SAMD4B: variants seen among roughly 807,000 people sequenced by gnomAD.
SAMD4B encodes protein Smaug homolog 2.
SAMD4B carries 5 observed loss-of-function variants against 74.5 expected under a neutral mutation model. The observed-to-expected ratio is 0.07, with a 90% confidence interval of 0.04 to 0.14. The LOEUF is 0.14. Ranked by LOEUF, SAMD4B falls within the 10% of genes least tolerant of loss-of-function variation. The pLI, the probability that SAMD4B is intolerant of heterozygous loss-of-function variation, is 1.00. For synonymous variants in SAMD4B, 373 were observed against 374.9 expected, an observed-to-expected ratio of 1.00 and a Z score of 0.06; for missense variants, 608 against 921.8, an observed-to-expected ratio of 0.66 and a Z score of 4.41.
chr19:39,369,893 C>G lies in SAMD4B; in HGVS notation c.435C>G (p.Leu145=). Residue 145 remains leucine, a synonymous_variant, in exon 4 of 14, where the codon CTC becomes CTG. Coordinates refer to ENST00000610417, the MANE Select transcript of SAMD4B (RefSeq NM_001384574.2). ...TGGAGGACCGCAACGCACTGGCCCT[C>G]TGGCTGAGCCACCTGGAAGAGCGGT... The part of the protein sequence containing the change: ...TTLEDRNALA[L]WLSHLEERLA... 1 of 1,614,270 alleles carries G rather than the reference C, an allele frequency of 6.2e-7. No individual in the cohort carries two copies. Among genetic ancestry groups the G allele is most frequent in the Non-Finnish European group, 8.5e-7 (1 of 1,180,052 alleles).
chr19:39,343,356 G>A (rs959900190), intron 1 of SAMD4B, among the ~76,000 whole-genome samples: 7 of 142,908 alleles, frequency 4.9e-5, no homozygotes, highest in Non-Finnish European at 9.0e-5. Context: ...GCCCCCGACG[G>A]ACCGTGATCA....
Position 39,385,651 on chromosome 19 carries a change from A to C in SAMD4B, c.*2124A>C. The C allele has an allele frequency of 1.9e-6, 1 of 519,638 alleles. No individual in the cohort carries two copies. Among genetic ancestry groups the C allele is most frequent in the South Asian group, 3.2e-5 (1 of 31,186 alleles). 32.2% of individuals were successfully genotyped at this position (519,638 alleles called of 1,614,324 possible). ...TTATTTGTTGGAGTTTCACTTGTTT[A>C]ATGGTCTGGGCTTATTTTGGAAAAA... On this transcript the variant is annotated 3_prime_UTR_variant, in exon 14 of 14. Coordinates refer to ENST00000610417, the MANE Select transcript of SAMD4B (RefSeq NM_001384574.2).
At chr19:39,386,126 A>G (rs747740261), downstream of SAMD4B, 170 of 1,613,916 alleles carry the variant, frequency 1.1e-4, no homozygotes, top group Non-Finnish European at 1.3e-4. The surrounding 1 kb of genome is among the most constrained non-coding windows in gnomAD (Gnocchi z 6.1). Context: ...GGCCACCCCC[A>G]TTGCTGCCGC....
intron 1 of SAMD4B, among the ~76,000 whole-genome samples, chr19:39,353,181 C>T (rs562059343): frequency 6.6e-6 from 1 of 152,292 alleles, no homozygotes; most frequent in South Asian, 2.1e-4. Flanking sequence ...TTTTTAGGCG[C>T]GTGAGCTACC....
chr19:39,389,409 G>A, downstream of SAMD4B: 1 of 1,612,550 alleles, frequency 6.2e-7, no homozygotes, highest in Non-Finnish European at 8.5e-7. The surrounding 1 kb of genome is among the most constrained non-coding windows in gnomAD (Gnocchi z 5.3). Context: ...AGGTATCTCA[G>A]GACCCCACTG....
intron 8 of SAMD4B, 55 bp downstream of exon 8, chr19:39,377,879 C>A: frequency 6.7e-7 from 1 of 1,494,840 alleles, no homozygotes; most frequent in Non-Finnish European, 9.1e-7. Context: ...CAAGTGAACC[C>A]AAGCACCAGG....
rs2075357836 is a variant in SAMD4B at position 39,342,482 on chromosome 19, G to T, written c.-361G>T. Reference sequence around the variant, plus strand: ...GCGGCGGCGGTGGTCGGTGCGGGAGGAGGGAGGGGAGCTTGCGGGCCCGAG... The same window carrying T: ...GCGGCGGCGGTGGTCGGTGCGGGAGTAGGGAGGGGAGCTTGCGGGCCCGAG... On this transcript the variant is annotated 5_prime_UTR_variant, in exon 1 of 14. Transcript: ENST00000610417. 3 of 179,890 alleles carry T rather than the reference G, an allele frequency of 1.7e-5. No individual in the cohort carries two copies. The highest frequency in any genetic ancestry group is 3.3e-4 in the South Asian group (2 of 6,016). 11.1% of individuals were successfully genotyped at this position (179,890 alleles called of 1,614,324 possible).
At chr19:39,355,730 C>A (rs2076308292) in intron 2 of SAMD4B, among the ~76,000 whole-genome samples, 1 of 152,144 alleles carries the variant, frequency 6.6e-6, no homozygotes, top group Non-Finnish European at 1.5e-5. Flanking sequence ...GTTGAAATAA[C>A]TTTTCTTTAG....
At position 39,378,500 on chromosome 19, in the gene SAMD4B, C is replaced by G. The variant is rs190574104; in HGVS notation, c.1445-4C>G. 5 of 1,613,808 alleles carry G rather than the reference C, an allele frequency of 3.1e-6. No individual in the cohort carries two copies. The highest frequency in any genetic ancestry group is 2.2e-5 in the South Asian group (2 of 91,064). On this transcript the variant is annotated splice_region_variant and splice_polypyrimidine_tract_variant and intron_variant, in intron 8 of 13. Transcript: ENST00000610417. This position sits in a 1 kb window ranked among gnomAD's most constrained non-coding sequence, Gnocchi z 4.4. ...ACCTCCTGCCCTTTCTCATGTCCCC[C>G]CAGTGTGCACCCAACTGCTGGTGTC...
chr19:39,389,064 GC>G, downstream of SAMD4B: 1 of 1,611,462 alleles, frequency 6.2e-7, no homozygotes, highest in Non-Finnish European at 8.5e-7. This position sits in a 1 kb window ranked among gnomAD's most constrained non-coding sequence, Gnocchi z 5.3. Flanking sequence ...CCGCACCCTT[GC>G]CTCTCCCCAT....
rs62119702 is a variant in SAMD4B, at chr19:39,375,590, A to T, written c.668-60A>T. 0.017 allele frequency: 27,131 copies of T among 1,562,128 alleles called. 272 individuals carry two copies. Among genetic ancestry groups the T allele is most frequent in the Non-Finnish European group, 0.021 (23,542 of 1,146,364 alleles). ...CCATCCTGGCACTGACGGCAGGGGG[A>T]TGGTCTCCTGTGGTTGGGTCCCCAG... is the stretch of plus-strand genomic sequence containing the variant. On this transcript the variant is annotated intron_variant, in intron 4 of 13. Coordinates refer to ENST00000610417, the MANE Select transcript of SAMD4B (RefSeq NM_001384574.2). The surrounding 1 kb of genome is among the most constrained non-coding windows in gnomAD (Gnocchi z 4.1).
Position 39,377,603 on chromosome 19 carries a change from C to T in SAMD4B, c.1223C>T (p.Pro408Leu). 1.1e-5 allele frequency: 18 copies of T among 1,614,122 alleles called. No individual in the cohort carries two copies. Among genetic ancestry groups the T allele is most frequent in the Non-Finnish European group, 1.5e-5 (18 of 1,179,988 alleles). Reference protein sequence around the residue: ...QATVAAATTTPTAKDGAPGEP... With the variant: ...QATVAAATTTLTAKDGAPGEP... ...ACCGTGGCTGCCGCCACCACCACCC[C>T]TACTGCCAAGGATGGGGCCCCGGGG... is the stretch of plus-strand genomic sequence containing the variant. Residue 408 changes from proline to leucine, a missense_variant, in exon 8 of 14, where the codon CCT (proline) becomes CTT (leucine). By Grantham distance (98) the Pro-to-Leu change is moderately conservative. Coordinates refer to ENST00000610417, the MANE Select transcript of SAMD4B (RefSeq NM_001384574.2).
chr19:39,380,538 A>T, intron 10 of SAMD4B, 49 bp from the exon 11 acceptor site: 1 of 1,594,134 alleles, frequency 6.3e-7, no homozygotes, highest in Non-Finnish European at 8.6e-7. Context: ...GGGTGGACAG[A>T]TAGGCCCCAT....
downstream of SAMD4B, chr19:39,388,506 TATCCCAATCCCCAAAAC>T: frequency 1.9e-6 from 3 of 1,614,106 alleles, no homozygotes; most frequent in Non-Finnish European, 2.5e-6. Context: ...ATTTCTTCCC[TATCCCAATCCCCAAAAC>T]TTCCCAATCC....
In SAMD4B at chr19:39,375,933, C is replaced by T; in HGVS notation, c.907+44C>T. On this transcript the variant is annotated intron_variant, in intron 5 of 13. Coordinates refer to ENST00000610417, the MANE Select transcript of SAMD4B (RefSeq NM_001384574.2). The surrounding 1 kb of genome is among the most constrained non-coding windows in gnomAD (Gnocchi z 4.1). ...CACCAGGACCCTTTTCCAGGGGCTT[C>T]TGCAGAGCTTAGAGGACAGAAAGGA... 6.3e-7 allele frequency: 1 copy of T among 1,587,818 alleles called. No individual in the cohort carries two copies. Among genetic ancestry groups the T allele is most frequent in the South Asian group, 1.1e-5 (1 of 90,206 alleles).
Position 39,383,061 on chromosome 19 carries a change from T to C in SAMD4B, c.1973-147T>C. The C allele has an allele frequency of 1.4e-6, 1 of 704,534 alleles. No homozygotes were observed. 43.6% of individuals were successfully genotyped at this position (704,534 alleles called of 1,614,324 possible). A position where few individuals can be genotyped will look rare whatever the true frequency, so the allele number is the denominator to read the frequency against. ...CTGCCTGTTGTGTGACACGCTCGCCTCTCTCCCTGTCCACCTCCTCCCGTT... is the reference window on the plus strand; with the variant it reads ...CTGCCTGTTGTGTGACACGCTCGCCCCTCTCCCTGTCCACCTCCTCCCGTT... On this transcript the variant is annotated intron_variant, in intron 12 of 13. Transcript: ENST00000610417. The surrounding 1 kb of genome is among the most constrained non-coding windows in gnomAD (Gnocchi z 4.1).
In SAMD4B at chr19:39,381,091, G is replaced by A. The variant is rs367704987; in HGVS notation, c.1950G>A (p.Gln650=). The change falls in exon 12 of 14, where the codon CAG becomes CAA. Residue 650 remains glutamine (Q), a synonymous_variant. Coordinates refer to ENST00000610417, the MANE Select transcript of SAMD4B (RefSeq NM_001384574.2). Reference sequence around the variant, plus strand: ...CGCTCCCGGTCCACTCGTCACCCCAGGCCATTCTCATGTTCCCTCCAGGTG... The same window carrying A: ...CGCTCCCGGTCCACTCGTCACCCCAAGCCATTCTCATGTTCCCTCCAGGTG... ...THSLPVHSSP[Q]AILMFPPDCP... 12 of 1,611,960 alleles carry A rather than the reference G, an allele frequency of 7.4e-6. No homozygotes were observed. The African/African-American group carries it at 1.3e-4, about 18-fold the overall frequency.
At chr19:39,390,237 T>C (rs1309133272), downstream of SAMD4B, 2 of 1,613,734 alleles carry the variant, frequency 1.2e-6, no homozygotes, top group Non-Finnish European at 1.7e-6. Context: ...CCACCGCTCC[T>C]GGGAAAGCAC....
At chr19:39,381,713 G>A (rs1345385895) in intron 12 of SAMD4B, among the ~76,000 whole-genome samples, 1 of 152,172 alleles carries the variant, frequency 6.6e-6, no homozygotes, top group Non-Finnish European at 1.5e-5. Context: ...GGAAGCTGAG[G>A]CAAGTAGATC....
Sources: allele counts gnomAD v4.1 joint callset (sites outside exome capture counted in the v4.1 genomes callset), GRCh38; gene constraint gnomAD v4.1.1; non-coding constraint Gnocchi (gnomAD v3.1); transcripts MANE v1.5; gene names NCBI Gene and HGNC (gene_info 2026-07-23, HGNC 2026-07-21).